The following BCL2L13 variants were observed in gnomAD, a reference collection of about 807,000 sequenced individuals.
The protein encoded by BCL2L13 is BCL2 like 13.
Under a neutral mutation model 25.8 loss-of-function variants are expected in BCL2L13, and 13 were observed. The observed-to-expected ratio is 0.50, with a 90% CI of 0.33 to 0.80. The LOEUF is 0.80. Ranked by LOEUF, BCL2L13 falls within the 30% of genes least tolerant of loss-of-function variation. The pLI is 0.02. For synonymous variants in BCL2L13, 244 were observed against 230.3 expected (o/e 1.06, Z -0.54); for missense variants, 504 against 574.9 (o/e 0.88, Z 1.26).
In BCL2L13 at chr22:17,727,287, C is replaced by T; in HGVS notation, c.1211C>T (p.Pro404Leu). Residue 404 changes from proline to leucine, a missense_variant, in exon 7 of 7, where the codon CCC (proline) becomes CTC (leucine). Physicochemically the swap from Pro to Leu is moderately conservative, Grantham distance 98. Transcript: ENST00000317582. ...GAGGAGGTGGTCCCCGCACTGGAAC[C>T]CACAGAAACGCTGCTGAGTGAGAAG... ...EVEEVVPALE[P>L]TETLLSEKEI... is the part of the protein sequence containing the mutation. 6.2e-7 allele frequency: 1 copy of T among 1,614,240 alleles called. No individual in the cohort carries two copies. The highest frequency in any genetic ancestry group is 1.1e-5 in the South Asian group (1 of 91,086).
chr22:17,706,908 T>A, intron 6 of BCL2L13: 1 of 1,077,436 alleles, frequency 9.3e-7, no homozygotes, highest in Admixed American at 1.9e-5. Context: ...CATAAAAGAT[T>A]ACTGGAGGGA....
At chr22:17,681,751 T>C (rs1376458329) in intron 2 of BCL2L13, among the ~76,000 whole-genome samples, 1 of 152,126 alleles carries the variant, frequency 6.6e-6, no homozygotes, top group Non-Finnish European at 1.5e-5. Flanking sequence ...TAGTCCATGC[T>C]TGCAAGAATG....
chr22:17,646,965 T>A lies in BCL2L13; in HGVS notation c.-51+8079T>A, dbSNP rs1304012266. On this transcript the variant is annotated intron_variant, in intron 1 of 6. Transcript: ENST00000317582. ...TATATATATATATATATTTTTTTTTTTTTTTTTTTTTTTTCTTTTTCTTTT... is the reference window on the plus strand; with the variant it reads ...TATATATATATATATATTTTTTTTTATTTTTTTTTTTTTTCTTTTTCTTTT... 7.0e-3 allele frequency among the ~76,000 whole-genome samples: 731 copies of A among 104,916 alleles called. 6 individuals carry two copies. The highest frequency in any genetic ancestry group is 0.02 in the African/African-American group (530 of 26,866). 68.8% of individuals were successfully genotyped at this position (104,916 alleles called of 152,430 possible).
intron 4 of BCL2L13, among the ~76,000 whole-genome samples, chr22:17,691,385 G>T (rs1413559484): frequency 6.6e-6 from 1 of 152,170 alleles, no homozygotes; most frequent in South Asian, 2.1e-4. Flanking sequence ...GGTGGCTCAC[G>T]CCTGTAATCC....
intron 6 of BCL2L13, among the ~76,000 whole-genome samples, chr22:17,724,673 T>C (rs531563087): frequency 6.6e-6 from 1 of 152,226 alleles, no homozygotes; most frequent in Non-Finnish European, 1.5e-5. Context: ...GGTTGAAGAA[T>C]GAAATTATCC....
At chr22:17,629,448 C>T (rs2057957521) in intron 1 of BCL2L13, among the ~76,000 whole-genome samples, 1 of 152,030 alleles carries the variant, frequency 6.6e-6, no homozygotes, top group Non-Finnish European at 1.5e-5. Flanking sequence ...CTGAGATAGC[C>T]TATATATTTT....
intron 5 of BCL2L13, among the ~76,000 whole-genome samples, chr22:17,699,761 T>G (rs1263711233): frequency 6.6e-6 from 1 of 152,018 alleles, no homozygotes; most frequent in East Asian, 1.9e-4. Context: ...ATGTGGGAGA[T>G]GAGAGTCCAA....
intron 1 of BCL2L13, among the ~76,000 whole-genome samples, chr22:17,651,085 C>A (rs369852513): frequency 9.1e-4 from 137 of 150,798 alleles, no homozygotes; most frequent in African/African-American, 3.1e-3. Context: ...CCTCTGCCTC[C>A]CAAGTCCCGG....
chr22:17,695,049 G>GGTT (rs369118038), intron 4 of BCL2L13, among the ~76,000 whole-genome samples: 8,063 of 152,252 alleles, frequency 0.053, 356 homozygotes, highest in African/African-American at 0.12. Flanking sequence ...ACGTAGCAAT[G>GGTT]CGAGGAACCA....
At chr22:17,631,694 ATATATATATATATTTTTTTTTTTTTTTT>A (rs2058028680) in intron 1 of BCL2L13, among the ~76,000 whole-genome samples, 1 of 38,530 alleles carries the variant, frequency 2.6e-5, no homozygotes, top group African/African-American at 7.3e-5. Context: ...ATATATATAT[ATATATATATATATTTTTTTTTTTTTTTT>A]TTTTTTTTTT....
At chr22:17,684,857 C>G (rs1238903046) in intron 3 of BCL2L13, among the ~76,000 whole-genome samples, 1 of 151,882 alleles carries the variant, frequency 6.6e-6, no homozygotes, top group Middle Eastern at 3.4e-3. Context: ...CTCAGCCTCC[C>G]GAGTAGCTGG....
chr22:17,649,910 C>T (rs558887806), intron 1 of BCL2L13, among the ~76,000 whole-genome samples: 9 of 119,558 alleles, frequency 7.5e-5, no homozygotes, highest in Non-Finnish European at 1.5e-4. Context: ...TTTGCTCTGT[C>T]GTCCAAGTTG....
chr22:17,630,225 CAA>C (rs79307050), intron 1 of BCL2L13, among the ~76,000 whole-genome samples: 1 of 81,870 alleles, frequency 1.2e-5, no homozygotes. Flanking sequence ...CTCAAAAAAA[CAA>C]AAAAAAAAAA....
chr22:17,661,219 A>G (rs1601558909), intron 2 of BCL2L13, among the ~76,000 whole-genome samples: 1 of 145,456 alleles, frequency 6.9e-6, no homozygotes, highest in African/African-American at 2.4e-5. Flanking sequence ...CAGCCTCCCA[A>G]GTAGCTGGGA....
Position 17,711,304 on chromosome 22 carries a change from C to CTTTTTTTTTTTTTTTTTTT in BCL2L13, c.600+8929_600+8930insTTTTTTTTTTTTTTTTTTT, listed in dbSNP as rs765639315. On this transcript the variant is annotated intron_variant, in intron 6 of 6. Transcript: ENST00000317582. ...TTTCCCTTATTTCTTCATGATGGGC[C>CTTTTTTTTTTTTTTTTTTT]TTTTTTTTTTTGAGACAGGGTTTCA... Among the ~76,000 whole-genome samples the CTTTTTTTTTTTTTTTTTTT allele has an allele frequency of 2.5e-4, 31 of 125,370 alleles. 1 individual carries two copies. Among genetic ancestry groups the CTTTTTTTTTTTTTTTTTTT allele is most frequent in the African/African-American group, 3.7e-4 (12 of 32,040 alleles). The allele number at this position is 125,370 out of a possible 152,430, so 82.2% of individuals were successfully genotyped here.
At chr22:17,638,488 G>T, upstream of BCL2L13, 1 of 403,104 alleles carries the variant, frequency 2.5e-6, no homozygotes, top group Non-Finnish European at 4.3e-6. Flanking sequence ...TCTTTCCCTG[G>T]AATCGCCTGC....
chr22:17,641,923 C>A (rs897856903), intron 1 of BCL2L13, among the ~76,000 whole-genome samples: 1 of 151,430 alleles, frequency 6.6e-6, no homozygotes, highest in Non-Finnish European at 1.5e-5. Context: ...CCTCAGCCTC[C>A]TGAGTAGCTG....
chr22:17,716,463 A>T (rs1174760963), intron 6 of BCL2L13, among the ~76,000 whole-genome samples: 2 of 152,204 alleles, frequency 1.3e-5, no homozygotes, highest in Non-Finnish European at 2.9e-5. Flanking sequence ...CACAATGAGT[A>T]ACCTGCCAGG....
chr22:17,636,810 AAAAT>A (rs912007674), upstream of BCL2L13, among the ~76,000 whole-genome samples: 63 of 152,198 alleles, frequency 4.1e-4, 1 homozygote, highest in Non-Finnish European at 2.2e-4. Context: ...ATAATAATAA[AAAAT>A]AAATAAATAA....
Sources: gnomAD v4.1 joint callset for allele counts (sites outside exome capture counted in the v4.1 genomes callset) on GRCh38, gnomAD v4.1.1 for gene constraint, MANE v1.5 for transcripts, NCBI Gene and HGNC (gene_info 2026-07-23, HGNC 2026-07-21) for gene names.